Variants in TMEM135 observed in about 807,000 individuals in gnomAD.
TMEM135 encodes the protein transmembrane protein 135.
TMEM135 carries 30 observed loss-of-function variants against 60.3 expected under a neutral mutation model. The observed-to-expected ratio is 0.50, with a 90% confidence interval of 0.37 to 0.68. The LOEUF is 0.68. Ranked by LOEUF, TMEM135 falls within the 30% of genes least tolerant of loss-of-function variation. The pLI is 0.00. For synonymous variants in TMEM135, 190 were observed against 186.7 expected (o/e 1.02, Z -0.14); for missense variants, 468 against 548.8 (o/e 0.85, Z 1.47).
At chr11:87,307,014 C>T (rs574910648) in intron 9 of TMEM135, among the ~76,000 whole-genome samples, 7 of 152,118 alleles carry the variant, frequency 4.6e-5, no homozygotes, top group South Asian at 2.1e-4. Context: ...CCACCGCGCC[C>T]GGCCAAGTTC....
chr11:87,076,687 G>T (rs945068400), intron 3 of TMEM135, among the ~76,000 whole-genome samples: 1 of 152,214 alleles, frequency 6.6e-6, no homozygotes, highest in African/African-American at 2.4e-5. Flanking sequence ...CAAGGCTACG[G>T]CATACTCCTT....
At chr11:87,133,476 T>C (rs1389311364) in intron 4 of TMEM135, among the ~76,000 whole-genome samples, 1 of 152,210 alleles carries the variant, frequency 6.6e-6, no homozygotes, top group African/African-American at 2.4e-5. Context: ...ATAAATGGAA[T>C]CATAGACCAT....
rs938725783 is a variant in TMEM135, at chr11:87,290,723, A to G, written c.510-5059A>G. On this transcript the variant is annotated intron_variant, in intron 6 of 14. Transcript: ENST00000305494. ...CTCTACAGTTATTTGTGTATTTACT[A>G]AGTTCTTTGATATTATTATGCAACA... is the stretch of plus-strand genomic sequence containing the variant. 8.5e-5 allele frequency among the ~76,000 whole-genome samples: 13 copies of G among 152,234 alleles called. 1 individual carries two copies. The South Asian group carries it at 2.7e-3, about 32-fold the overall frequency.
chr11:87,091,687 T>A (rs1245836710), intron 4 of TMEM135, among the ~76,000 whole-genome samples: 1 of 152,116 alleles, frequency 6.6e-6, no homozygotes, highest in African/African-American at 2.4e-5. Context: ...TGTATATATC[T>A]GTCTCTTTAT....
intron 4 of TMEM135, among the ~76,000 whole-genome samples, chr11:87,136,974 A>G (rs1300987793): frequency 1.3e-5 from 2 of 152,076 alleles, no homozygotes; most frequent in African/African-American, 2.4e-5. Context: ...GCAATGCTCT[A>G]TAAACATCAA....
chr11:87,130,113 T>C (rs374688261), intron 4 of TMEM135, among the ~76,000 whole-genome samples: 9 of 115,978 alleles, frequency 7.8e-5, no homozygotes, highest in African/African-American at 3.1e-4. Flanking sequence ...GCAGTATAAG[T>C]ACATTTTTAA....
chr11:87,047,425 G>C (rs1949806439), intron 1 of TMEM135, among the ~76,000 whole-genome samples: 1 of 151,430 alleles, frequency 6.6e-6, no homozygotes, highest in Non-Finnish European at 1.5e-5. Flanking sequence ...TCACTAGGGA[G>C]TGCCAGACAG....
At position 87,295,505 on chromosome 11, in the gene TMEM135, G is replaced by C. The variant is rs1942333002; in HGVS notation, c.510-277G>C. Among the ~76,000 whole-genome samples the C allele has an allele frequency of 2.0e-5, 3 of 152,294 alleles. No homozygotes were observed. In the Middle Eastern group the frequency reaches 0.01, roughly 518 times the overall value. ...ACTCCCAGCCTTCATTTTAAGTCCA[G>C]ATGGAGCCCTTAGATTTACTTAAGT... On this transcript the variant is annotated intron_variant, in intron 6 of 14. Coordinates refer to ENST00000305494, the MANE Select transcript of TMEM135 (RefSeq NM_022918.4).
intron 5 of TMEM135, among the ~76,000 whole-genome samples, chr11:87,212,612 A>G (rs900653200): frequency 6.6e-6 from 1 of 152,030 alleles, no homozygotes; most frequent in Non-Finnish European, 1.5e-5. Context: ...ACCTGAGCTC[A>G]GGAGTTTGAG....
chr11:87,187,178 A>G (rs1205738894), intron 5 of TMEM135, among the ~76,000 whole-genome samples: 2 of 152,152 alleles, frequency 1.3e-5, no homozygotes, highest in African/African-American at 2.4e-5. Flanking sequence ...TTCATTAATA[A>G]AACTCTTACA....
Position 87,061,676 on chromosome 11 carries a change from A to T in TMEM135, c.142-6018A>T, listed in dbSNP as rs527540450. ...GCTAAGATCATGGGTCTTTGAGGCC[A>T]ATTAGCTTTATTCCATGGCCGTAAA... On this transcript the variant is annotated intron_variant, in intron 1 of 14. Coordinates refer to ENST00000305494, the MANE Select transcript of TMEM135 (RefSeq NM_022918.4). Among the ~76,000 whole-genome samples, 7 of 152,310 alleles carry T rather than the reference A, an allele frequency of 4.6e-5. No homozygotes were observed. The East Asian group carries it at 1.2e-3, about 25-fold the overall frequency.
chr11:87,101,822 A>G (rs1857464486), intron 4 of TMEM135, among the ~76,000 whole-genome samples: 10 of 152,048 alleles, frequency 6.6e-5, no homozygotes, highest in Admixed American at 6.6e-4. Context: ...AAAAAAACAA[A>G]ATTAACCGGG....
intron 1 of TMEM135, among the ~76,000 whole-genome samples, chr11:87,040,686 G>T (rs1347520937): frequency 1.3e-5 from 2 of 151,730 alleles, no homozygotes; most frequent in Admixed American, 6.6e-5. Context: ...AGGGATCAGG[G>T]TATCAGGATT....
chr11:87,085,763 A>G (rs557647348), intron 3 of TMEM135, among the ~76,000 whole-genome samples: 2 of 152,282 alleles, frequency 1.3e-5, no homozygotes, highest in East Asian at 1.9e-4. Context: ...TCAAAAACAA[A>G]CAAACAACAA....
chr11:87,202,830 A>AGACCATCCT (rs1940146168), intron 5 of TMEM135, among the ~76,000 whole-genome samples: 1 of 151,358 alleles, frequency 6.6e-6, no homozygotes, highest in African/African-American at 2.4e-5. Context: ...CAGGAGATCT[A>AGACCATCCT]GACCATCCTG....
intron 5 of TMEM135, among the ~76,000 whole-genome samples, chr11:87,217,612 C>T (rs1940529554): frequency 6.6e-6 from 1 of 151,848 alleles, no homozygotes; most frequent in Admixed American, 6.6e-5. Flanking sequence ...ATAGAGAAAC[C>T]CCGTCTCTGC....
intron 1 of TMEM135, among the ~76,000 whole-genome samples, chr11:87,059,424 T>C (rs1480267351): frequency 1.3e-5 from 2 of 151,926 alleles, no homozygotes; most frequent in Non-Finnish European, 2.9e-5. Flanking sequence ...CCTGTGATTC[T>C]CCTGCCTCAG....
At chr11:87,254,070 A>T (rs1329094655) in intron 6 of TMEM135, among the ~76,000 whole-genome samples, 1 of 152,154 alleles carries the variant, frequency 6.6e-6, no homozygotes, top group Non-Finnish European at 1.5e-5. Context: ...AAGTCTCAGC[A>T]CATCAAACAT....
At chr11:87,129,813 T>A (rs1937866257) in intron 4 of TMEM135, among the ~76,000 whole-genome samples, 1 of 152,180 alleles carries the variant, frequency 6.6e-6, no homozygotes, top group Non-Finnish European at 1.5e-5. Flanking sequence ...AGTTCTGGGA[T>A]TACAGGCGTG....
Sources: gnomAD v4.1 joint callset for allele counts (sites outside exome capture counted in the v4.1 genomes callset) on GRCh38, gnomAD v4.1.1 for gene constraint, MANE v1.5 for transcripts, NCBI Gene and HGNC (gene_info 2026-07-23, HGNC 2026-07-21) for gene names.